PAK1: variants seen among roughly 807,000 people sequenced by gnomAD.
The protein encoded by PAK1 is p21 (RAC1) activated kinase 1, also known as serine/threonine-protein kinase PAK 1.
In PAK1, 29 loss-of-function variants were observed where a neutral mutation model predicts 67.4. The observed-to-expected ratio is 0.43, with a 90% CI of 0.32 to 0.59. The LOEUF (loss-of-function observed/expected upper bound fraction) is 0.59, where lower values mean the gene tolerates loss of function less well. Among genes scored for constraint, PAK1 ranks in the 20% least tolerant of loss-of-function variants. The pLI is 0.07. For synonymous variants in PAK1, 223 were observed against 237.4 expected, an observed-to-expected ratio of 0.94 and a Z score of 0.56; for missense variants, 337 against 670.7, an observed-to-expected ratio of 0.50 and a Z score of 5.50.
intron 14 of PAK1, chr11:77,325,468 G>C: frequency 3.0e-6 from 4 of 1,311,548 alleles, no homozygotes; most frequent in Non-Finnish European, 4.2e-6. Flanking sequence ...AAAGTGTTTA[G>C]TGCCTAAAAT....
intron 10 of PAK1, 146 bp downstream of exon 10, chr11:77,343,673 C>T (rs1435377844): frequency 1.6e-6 from 1 of 629,530 alleles, no homozygotes; most frequent in South Asian, 1.9e-5. Context: ...CAGCATTACA[C>T]AGGGTCACAT....
At chr11:77,513,351 AAAT>A in the PAK1 span, among the ~76,000 whole-genome samples, 1 of 152,204 alleles carries the variant, frequency 6.6e-6, no homozygotes, top group African/African-American at 2.4e-5. Flanking sequence ...TCCTGCAAGT[AAAT>A]AATGGAATAT....
chr11:77,494,082 T>C, the PAK1 span, among the ~76,000 whole-genome samples: 1 of 152,164 alleles, frequency 6.6e-6, no homozygotes, highest in African/African-American at 2.4e-5. Context: ...ATAATATTTT[T>C]AAAAACATGC....
At chr11:77,480,919 G>A in the PAK1 span, among the ~76,000 whole-genome samples, 1 of 152,194 alleles carries the variant, frequency 6.6e-6, no homozygotes, top group Non-Finnish European at 1.5e-5. Flanking sequence ...TTGTTGCTGT[G>A]TGCCCAGCTT....
intron 1 of PAK1, among the ~76,000 whole-genome samples, chr11:77,422,693 A>G (rs561940488): frequency 6.6e-6 from 1 of 152,336 alleles, no homozygotes; most frequent in Admixed American, 6.5e-5. Context: ...TCATTTTTCC[A>G]GCCTCCTTTA....
chr11:77,429,080 AAAAAAAAAAAAAAACAC>A (rs1565696527), intron 1 of PAK1, among the ~76,000 whole-genome samples: 2 of 121,856 alleles, frequency 1.6e-5, no homozygotes, highest in African/African-American at 8.0e-5. Flanking sequence ...AAAAAAAAAA[AAAAAAAAAAAAAAACAC>A]ACACACACAC....
intron 1 of PAK1, among the ~76,000 whole-genome samples, chr11:77,435,368 A>G (rs1395521552): frequency 6.6e-6 from 1 of 152,238 alleles, no homozygotes; most frequent in Non-Finnish European, 1.5e-5. Context: ...ACTGAACCTT[A>G]GCTTCTCTGT....
the PAK1 span, among the ~76,000 whole-genome samples, chr11:77,529,307 G>A: frequency 6.6e-6 from 1 of 151,964 alleles, no homozygotes; most frequent in East Asian, 1.9e-4. Flanking sequence ...TAATCTATTT[G>A]GAATTTTTAT....
chr11:77,353,878 C>T (rs1018542998), intron 7 of PAK1, among the ~76,000 whole-genome samples: 9 of 152,040 alleles, frequency 5.9e-5, no homozygotes, highest in South Asian at 2.1e-4. Flanking sequence ...TCATTTAATA[C>T]GCACCAAGCC....
At chr11:77,352,516 T>A (rs1055012829) in intron 8 of PAK1, among the ~76,000 whole-genome samples, 1 of 152,076 alleles carries the variant, frequency 6.6e-6, no homozygotes, top group African/African-American at 2.4e-5. Context: ...AATTACTTTG[T>A]TTTTTAATAA....
chr11:77,423,793 G>A (rs1955410347), intron 1 of PAK1, among the ~76,000 whole-genome samples: 1 of 152,150 alleles, frequency 6.6e-6, no homozygotes, highest in African/African-American at 2.4e-5. Context: ...CTGACAATAT[G>A]TAAATGAATG....
chr11:77,365,030 C>T (rs1413550562), intron 5 of PAK1, among the ~76,000 whole-genome samples: 1 of 151,930 alleles, frequency 6.6e-6, no homozygotes, highest in Non-Finnish European at 1.5e-5. Context: ...GGGCGGATCA[C>T]GAAGTCAGGA....
intron 1 of PAK1, chr11:77,408,339 CAT>C (rs1240065372): frequency 1.3e-5 from 2 of 152,094 alleles, no homozygotes; most frequent in Non-Finnish European, 1.5e-5. Flanking sequence ...TACACACACA[CAT>C]ATATACATAC....
chr11:77,407,419 C>T (rs535965040), intron 1 of PAK1, among the ~76,000 whole-genome samples: 88 of 152,238 alleles, frequency 5.8e-4, no homozygotes, highest in Non-Finnish European at 1.2e-3. Flanking sequence ...GTGAGTTTTT[C>T]GAGGGCAGAG....
chr11:77,453,083 G>A (rs755085508), intron 1 of PAK1, among the ~76,000 whole-genome samples: 2 of 152,210 alleles, frequency 1.3e-5, no homozygotes, highest in East Asian at 1.9e-4. Context: ...GGCCAGGTGC[G>A]GTGGCTCACG....
At chr11:77,448,806 A>G (rs1341767900) in intron 1 of PAK1, among the ~76,000 whole-genome samples, 2 of 152,222 alleles carry the variant, frequency 1.3e-5, no homozygotes, top group African/African-American at 2.4e-5. Flanking sequence ...GCAAAGTGGT[A>G]TAATAGGCAA....
chr11:77,391,497 A>C (rs1020202609), intron 2 of PAK1, among the ~76,000 whole-genome samples: 6 of 144,362 alleles, frequency 4.2e-5, no homozygotes, highest in Non-Finnish European at 9.5e-5. Context: ...GCTCATGGTA[A>C]CTACTTACAC....
chr11:77,490,014 T>G, the PAK1 span, among the ~76,000 whole-genome samples: 1 of 140,576 alleles, frequency 7.1e-6, no homozygotes, highest in African/African-American at 2.7e-5. Flanking sequence ...GAACGCCTCT[T>G]CCCGGCCGCC....
At chr11:77,501,009 G>T in the PAK1 span, among the ~76,000 whole-genome samples, 3 of 151,878 alleles carry the variant, frequency 2.0e-5, no homozygotes, top group Non-Finnish European at 4.4e-5. Flanking sequence ...TAATTAGCCG[G>T]GCGTGGTGGC....
Sources: allele counts gnomAD v4.1 joint callset (sites outside exome capture counted in the v4.1 genomes callset), GRCh38; gene constraint gnomAD v4.1.1; transcripts MANE v1.5; gene names NCBI Gene and HGNC (gene_info 2026-07-23, HGNC 2026-07-21).